PDE1B: variants seen among roughly 807,000 people sequenced by gnomAD.
The protein encoded by PDE1B is phosphodiesterase 1B.
PDE1B carries 13 observed loss-of-function variants against 66.7 expected under a neutral mutation model. That is an observed-to-expected ratio of 0.19 (90% CI 0.13 to 0.31). The LOEUF (loss-of-function observed/expected upper bound fraction) is 0.31, where lower values mean the gene tolerates loss of function less well. Ranked by LOEUF, PDE1B falls within the 10% of genes least tolerant of loss-of-function variation. The pLI is 1.00. For synonymous variants in PDE1B, 230 were observed against 253.9 expected, an observed-to-expected ratio of 0.91 and a Z score of 0.90; for missense variants, 485 against 682.3, an observed-to-expected ratio of 0.71 and a Z score of 3.22.
chr12:54,550,122 G>T, intron 2 of PDE1B, 137 bp downstream of exon 2: 1 of 1,450,336 alleles, frequency 6.9e-7, no homozygotes, highest in Admixed American at 2.5e-5. Context: ...AGGAAGCACG[G>T]CCCTGACACG....
chr12:54,557,579 G>T (rs555419713), intron 2 of PDE1B, among the ~76,000 whole-genome samples: 1 of 152,174 alleles, frequency 6.6e-6, no homozygotes, highest in Non-Finnish European at 1.5e-5. Context: ...TAGTAAAATC[G>T]GGGCAGTGCT....
In PDE1B at chr12:54,569,634, A is replaced by T. The variant is rs1282486717; in HGVS notation, c.477+22A>T. ...CAAGGTAATCTCTGGGTTTTTGGGAAAGAGGAGAAAGTTAGGGGATGGAAT... is the reference window on the plus strand; with the variant it reads ...CAAGGTAATCTCTGGGTTTTTGGGATAGAGGAGAAAGTTAGGGGATGGAAT... On this transcript the variant is annotated intron_variant, in intron 5 of 15. Coordinates refer to ENST00000243052, the MANE Select transcript of PDE1B (RefSeq NM_000924.4). This position sits in a 1 kb window ranked among gnomAD's most constrained non-coding sequence, Gnocchi z 4.4. 1 of 1,563,848 alleles carries T rather than the reference A, an allele frequency of 6.4e-7. No homozygotes were observed. Among genetic ancestry groups the T allele is most frequent in the Non-Finnish European group, 8.8e-7 (1 of 1,134,368 alleles).
At chr12:54,565,272 G>T (rs1027506699) in intron 2 of PDE1B, among the ~76,000 whole-genome samples, 7 of 152,240 alleles carry the variant, frequency 4.6e-5, no homozygotes, top group Admixed American at 3.9e-4. Flanking sequence ...GGCAGAAGAA[G>T]AGGCCTTCTT....
At chr12:54,557,630 G>A (rs1957358682) in intron 2 of PDE1B, among the ~76,000 whole-genome samples, 1 of 152,206 alleles carries the variant, frequency 6.6e-6, no homozygotes, top group Non-Finnish European at 1.5e-5. Flanking sequence ...ATCTGATGCT[G>A]CCCTCATCAC....
intron 2 of PDE1B, chr12:54,561,374 C>T (rs1957407526): frequency 1.2e-5 from 11 of 905,020 alleles, no homozygotes; most frequent in Non-Finnish European, 1.6e-5. Context: ...CCTCCCCTCT[C>T]ACCCAGTTCC....
chr12:54,559,900 C>T (rs926789965), intron 2 of PDE1B, among the ~76,000 whole-genome samples: 1 of 152,152 alleles, frequency 6.6e-6, no homozygotes, highest in Admixed American at 6.5e-5. Flanking sequence ...TCCTGCAACG[C>T]AAGCATGTCC....
At chr12:54,577,547 A>G (rs1167047168) in intron 15 of PDE1B, 1 of 1,540,364 alleles carries the variant, frequency 6.5e-7, no homozygotes, top group East Asian at 2.3e-5. Flanking sequence ...CAGTCCCTGC[A>G]GGAACAAAGG....
chr12:54,560,929 C>A (rs1179750970), intron 2 of PDE1B, among the ~76,000 whole-genome samples: 1 of 152,070 alleles, frequency 6.6e-6, no homozygotes, highest in East Asian at 1.9e-4. Context: ...AGGGCCCTTC[C>A]CTCCCTGTTG....
At chr12:54,550,037 G>A (rs1182226560) in intron 2 of PDE1B, 52 bp downstream of exon 2, 2 of 1,586,310 alleles carry the variant, frequency 1.3e-6, no homozygotes, top group African/African-American at 2.7e-5. Flanking sequence ...AGCCTGAGCG[G>A]GAGGAGGAGG....
intron 2 of PDE1B, among the ~76,000 whole-genome samples, chr12:54,555,633 T>C (rs1410606686): frequency 6.6e-6 from 1 of 152,200 alleles, no homozygotes; most frequent in Non-Finnish European, 1.5e-5. Flanking sequence ...ACCTTCAGAC[T>C]GGGATGGAGG....
Position 54,569,144 on chromosome 12 carries a change from C to T in PDE1B, c.228-40C>T. Reference sequence around the variant, plus strand: ...CAGGGTCTCTAGGCTGTGGAAGCACCTGCTGTCTTTCCTCTGTGACTCCCC... The same window carrying T: ...CAGGGTCTCTAGGCTGTGGAAGCACTTGCTGTCTTTCCTCTGTGACTCCCC... On this transcript the variant is annotated intron_variant, in intron 3 of 15. Transcript: ENST00000243052. The surrounding 1 kb of genome is among the most constrained non-coding windows in gnomAD (Gnocchi z 4.4). 6.4e-7 allele frequency: 1 copy of T among 1,562,678 alleles called. No homozygotes were observed. The highest frequency in any genetic ancestry group is 8.7e-7 in the Non-Finnish European group (1 of 1,150,634).
chr12:54,558,309 A>G (rs1308792734), intron 2 of PDE1B, among the ~76,000 whole-genome samples: 2 of 149,354 alleles, frequency 1.3e-5, no homozygotes, highest in Non-Finnish European at 3.0e-5. Context: ...CTATCTTCCA[A>G]TCTTCCCTAG....
chr12:54,567,913 A>G (rs1592377914), intron 3 of PDE1B, among the ~76,000 whole-genome samples: 1 of 152,074 alleles, frequency 6.6e-6, no homozygotes, highest in Admixed American at 6.6e-5. Flanking sequence ...CTGAAGGGCA[A>G]TGGTGTGATC....
chr12:54,572,456 G>C, intron 6 of PDE1B, 145 bp from the exon 7 acceptor site: 1 of 748,970 alleles, frequency 1.3e-6, no homozygotes, highest in Non-Finnish European at 2.3e-6. Context: ...GTAGAGGCAG[G>C]ATATGAGCCA....
intron 6 of PDE1B, chr12:54,572,191 G>A (rs191425605): frequency 6.0e-6 from 1 of 167,322 alleles, no homozygotes; most frequent in Admixed American, 5.8e-5. Context: ...CCTTACTTCC[G>A]AGCCCTTCTT....
At chr12:54,552,280 C>T (rs1314469107) in intron 2 of PDE1B, among the ~76,000 whole-genome samples, 1 of 152,096 alleles carries the variant, frequency 6.6e-6, no homozygotes, top group South Asian at 2.1e-4. Flanking sequence ...GAGATGTTCC[C>T]CCTTTTAAGT....
Position 54,573,290 on chromosome 12 carries a change from G to A in PDE1B, c.836+42G>A. On this transcript the variant is annotated intron_variant, in intron 8 of 15. Transcript: ENST00000243052. The surrounding 1 kb of genome is among the most constrained non-coding windows in gnomAD (Gnocchi z 5.2). ...TGGCAGGGGCAGGAGGGGCCAAGAG[G>A]AGGTGGGGAGGTTGCCGGAGTCCCT... The A allele has an allele frequency of 1.2e-6, 2 of 1,613,224 alleles. No individual in the cohort carries two copies. The highest frequency in any genetic ancestry group is 1.7e-6 in the Non-Finnish European group (2 of 1,179,188).
At chr12:54,557,161 A>T (rs1218857823) in intron 2 of PDE1B, among the ~76,000 whole-genome samples, 1 of 152,198 alleles carries the variant, frequency 6.6e-6, no homozygotes, top group African/African-American at 2.4e-5. Context: ...TTGCTTTAGA[A>T]ATTCCAATCT....
intron 2 of PDE1B, chr12:54,561,540 T>C (rs10747699): frequency 0.69 from 1,019,439 of 1,470,700 alleles, 356,346 homozygotes; most frequent in Non-Finnish European, 0.71. Flanking sequence ...CTGGGGCTCC[T>C]GGGGTCAGGA....
Sources: allele counts gnomAD v4.1 joint callset (sites outside exome capture counted in the v4.1 genomes callset), GRCh38; gene constraint gnomAD v4.1.1; non-coding constraint Gnocchi (gnomAD v3.1); transcripts MANE v1.5; gene names NCBI Gene and HGNC (gene_info 2026-07-23, HGNC 2026-07-21).